PANK1: variants seen among roughly 807,000 people sequenced by gnomAD.
PANK1 encodes the protein pantothenate kinase 1.
A neutral mutation model predicts 40.1 loss-of-function variants in PANK1; 18 were observed. The observed-to-expected ratio is 0.45, with a 90% CI of 0.31 to 0.67. PANK1 has a LOEUF of 0.67. Ranked by LOEUF, PANK1 falls within the 30% of genes least tolerant of loss-of-function variation. The probability of loss-of-function intolerance (pLI) is 0.06; values close to 1 mark genes in which losing one functional copy is unlikely to be tolerated. For missense variants in PANK1, 457 were observed against 599.6 expected (o/e 0.76, Z 2.48); for synonymous variants, 242 against 237.7 (o/e 1.02, Z -0.17).
intron 1 of PANK1, among the ~76,000 whole-genome samples, chr10:89,628,643 T>A (rs1841544251): frequency 6.6e-6 from 1 of 152,224 alleles, no homozygotes; most frequent in South Asian, 2.1e-4. Context: ...AATTGCATAC[T>A]CTAAATGGAT....
In PANK1 at chr10:89,588,661, CA is replaced by C; in HGVS notation, c.1316del (p.Leu439TrpfsTer19). 1 of 1,601,328 alleles carries C rather than the reference CA, an allele frequency of 6.2e-7. No homozygotes were observed. Among genetic ancestry groups the C allele is most frequent in the Non-Finnish European group, 8.5e-7 (1 of 1,175,176 alleles). On this transcript the variant is annotated frameshift_variant, in exon 6 of 7. Transcript: ENST00000307534. LOFTEE classifies it high-confidence loss of function. ...WSKGQLKALF[L>X]EHEGYFGAVG... ...TGCAAGCTCAACCTACCTCATGTTC[CA>C]AAAACAGAGCTTTCAGTTGTCCTTT... is the stretch of plus-strand genomic sequence containing the variant.
intron 1 of PANK1, among the ~76,000 whole-genome samples, chr10:89,623,516 C>T (rs1202636310): frequency 6.8e-6 from 1 of 148,098 alleles, no homozygotes; most frequent in South Asian, 2.3e-4. Context: ...AGCCACCGTG[C>T]CTGGCCCAAT....
chr10:89,612,125 C>A, intron 1 of PANK1, 77 bp from the exon 2 acceptor site: 1 of 1,147,238 alleles, frequency 8.7e-7, no homozygotes, highest in Non-Finnish European at 1.2e-6. Flanking sequence ...ATTAAATAAG[C>A]AAAAGCAGTG....
Position 89,615,700 on chromosome 10 carries a change from T to G in PANK1, c.293-3652A>C, listed in dbSNP as rs138335787. 2.1e-4 allele frequency among the ~76,000 whole-genome samples: 32 copies of G among 152,296 alleles called. No individual in the cohort carries two copies. In the East Asian group the frequency reaches 6.2e-3, roughly 29 times the overall value. On this transcript the variant is annotated intron_variant, in intron 1 of 6. Coordinates refer to ENST00000307534, the MANE Select transcript of PANK1 (RefSeq NM_148977.3). Reference sequence around the variant, plus strand: ...GTATTAGTTTAAGTGGCAAAAGAAATTGGCTTTTCTTTACCTATGTTTATA... The same window carrying G: ...GTATTAGTTTAAGTGGCAAAAGAAAGTGGCTTTTCTTTACCTATGTTTATA...
chr10:89,616,372 T>C (rs1348796944), intron 1 of PANK1, among the ~76,000 whole-genome samples: 2 of 152,190 alleles, frequency 1.3e-5, no homozygotes, highest in Non-Finnish European at 2.9e-5. Context: ...TAAAAAATGG[T>C]AACAAACTAG....
rs1446259343 is a variant in PANK1 at position 89,593,888 on chromosome 10, A to G, written c.1001T>C (p.Val334Ala). ...GTAAATGTCCTTCACCAGTTTATCAACATTGGTGCTGTCGCCTTTAGCTGC... is the reference window on the plus strand; with the variant it reads ...GTAAATGTCCTTCACCAGTTTATCAGCATTGGTGCTGTCGCCTTTAGCTGC... ...EMAAKGDSTN[V>A]DKLVKDIYGG... is the part of the protein sequence containing the mutation. The change falls in exon 4 of 7, where the codon GTT becomes GCT. Residue 334 changes from valine (V) to alanine (A), a missense_variant. By Grantham distance (64) the Val-to-Ala change is moderately conservative. Transcript: ENST00000307534. 6.2e-7 allele frequency: 1 copy of G among 1,613,954 alleles called. No individual in the cohort carries two copies. The highest frequency in any genetic ancestry group is 2.2e-5 in the East Asian group (1 of 44,886).
In PANK1 at chr10:89,644,883, G is replaced by C; in HGVS notation, c.9C>G (p.Asp3Glu). The change falls in exon 1 of 7, where the codon GAC (aspartate) becomes GAG (glutamate). Residue 3 changes from aspartate (D) to glutamate (E), a missense_variant. Physicochemically the swap from Asp to Glu is conservative, Grantham distance 45 (BLOSUM62 2). Transcript: ENST00000307534. Reference sequence around the variant, plus strand: ...CCGAGCGCTCCTGCTGCCCGCTGCGGTCGCCCATGCCGGGGGCTGGCGGGG... The same window carrying C: ...CCGAGCGCTCCTGCTGCCCGCTGCGCTCGCCCATGCCGGGGGCTGGCGGGG... MG[D>E]RSGQQERSVP... 1 of 1,501,660 alleles carries C rather than the reference G, an allele frequency of 6.7e-7. No individual in the cohort carries two copies. Among genetic ancestry groups the C allele is most frequent in the Non-Finnish European group, 8.8e-7 (1 of 1,130,624 alleles). 93.0% of individuals were successfully genotyped at this position (1,501,660 alleles called of 1,614,324 possible). A position where few individuals can be genotyped will look rare whatever the true frequency, so the allele number is the denominator to read the frequency against.
At chr10:89,597,735 A>G (rs1482705536) in intron 3 of PANK1, among the ~76,000 whole-genome samples, 1 of 152,196 alleles carries the variant, frequency 6.6e-6, no homozygotes, top group Non-Finnish European at 1.5e-5. Flanking sequence ...TAGCTTTACC[A>G]ATTCAATTAC....
intron 3 of PANK1, 140 bp downstream of exon 3, chr10:89,599,112 C>A: frequency 4.2e-6 from 3 of 713,900 alleles, no homozygotes; most frequent in Non-Finnish European, 7.1e-6. Context: ...CTTTAACACA[C>A]CATTTGATAA....
chr10:89,618,227 T>C (rs1234397048), intron 1 of PANK1, among the ~76,000 whole-genome samples: 1 of 152,210 alleles, frequency 6.6e-6, no homozygotes, highest in African/African-American at 2.4e-5. Context: ...CACCAGTGAC[T>C]GCTGGGTATC....
At chr10:89,591,664 T>C (rs1410276032) in intron 5 of PANK1, among the ~76,000 whole-genome samples, 6 of 152,222 alleles carry the variant, frequency 3.9e-5, no homozygotes, top group African/African-American at 1.2e-4. Context: ...CGACTGGTGA[T>C]TCCCTTCACT....
chr10:89,627,552 G>A (rs1841511317), intron 1 of PANK1, among the ~76,000 whole-genome samples: 1 of 152,220 alleles, frequency 6.6e-6, no homozygotes, highest in Non-Finnish European at 1.5e-5. Flanking sequence ...CCTAGACGGT[G>A]TGAGGCACTC....
At chr10:89,605,087 C>T (rs930510943) in intron 2 of PANK1, among the ~76,000 whole-genome samples, 1 of 151,542 alleles carries the variant, frequency 6.6e-6, no homozygotes, top group African/African-American at 2.4e-5. Flanking sequence ...AAGGACATAC[C>T]TGAATTTTAA....
intron 1 of PANK1, among the ~76,000 whole-genome samples, chr10:89,630,642 G>A (rs970048704): frequency 5.3e-5 from 8 of 151,818 alleles, no homozygotes; most frequent in Non-Finnish European, 8.8e-5. Context: ...ACAGGCACCC[G>A]TCACCTCGCC....
Position 89,645,209 on chromosome 10 carries a change from C to G in PANK1, c.-318G>C. 1.9e-6 allele frequency: 3 copies of G among 1,597,668 alleles called. No homozygotes were observed. The highest frequency in any genetic ancestry group is 2.6e-6 in the Non-Finnish European group (3 of 1,173,118). On this transcript the variant is annotated 5_prime_UTR_variant, in exon 1 of 7. Transcript: ENST00000307534. Reference sequence around the variant, plus strand: ...GCCTTCCCCTGATCCCCAGGCCGCGCGACTTCAAACGCGGCTTCCTCGCCT... The same window carrying G: ...GCCTTCCCCTGATCCCCAGGCCGCGGGACTTCAAACGCGGCTTCCTCGCCT...
chr10:89,603,990 T>C (rs1047291548), intron 2 of PANK1, among the ~76,000 whole-genome samples: 1 of 152,210 alleles, frequency 6.6e-6, no homozygotes, highest in African/African-American at 2.4e-5. Flanking sequence ...CACAGATTCA[T>C]AGGTGTCCTA....
At chr10:89,627,880 T>C (rs1209079198) in intron 1 of PANK1, among the ~76,000 whole-genome samples, 3 of 152,132 alleles carry the variant, frequency 2.0e-5, no homozygotes, top group African/African-American at 7.2e-5. Context: ...AATAATAAGA[T>C]ATTAGTGTTG....
intron 1 of PANK1, chr10:89,643,945 T>G (rs1180423452): frequency 3.4e-6 from 4 of 1,184,876 alleles, no homozygotes; most frequent in Non-Finnish European, 4.4e-6. Context: ...CCCCCTTCGT[T>G]GAAAAAAAAA....
intron 1 of PANK1, among the ~76,000 whole-genome samples, chr10:89,616,218 T>C (rs749076101): frequency 2.6e-5 from 4 of 152,238 alleles, no homozygotes; most frequent in Non-Finnish European, 4.4e-5. Context: ...CTGATGTTCA[T>C]AAAACCAAGT....
Sources: allele counts gnomAD v4.1 joint callset (sites outside exome capture counted in the v4.1 genomes callset), GRCh38; gene constraint gnomAD v4.1.1; transcripts MANE v1.5; gene names NCBI Gene and HGNC (gene_info 2026-07-23, HGNC 2026-07-21).